Variants in CATSPER3 observed in about 807,000 individuals in gnomAD.
CATSPER3 encodes the protein cation channel sperm-associated protein 3.
A neutral mutation model predicts 36.6 loss-of-function variants in CATSPER3; 23 were observed. The observed-to-expected ratio is 0.63, with a 90% CI of 0.45 to 0.89. The LOEUF (loss-of-function observed/expected upper bound fraction) is 0.89. CATSPER3 is among the 40% of genes least tolerant of loss of function. CATSPER3 has a pLI of 0.00. For synonymous variants in CATSPER3, 172 were observed against 184.1 expected (o/e 0.93, Z 0.53); for missense variants, 474 against 503.9 (o/e 0.94, Z 0.57).
intron 3 of CATSPER3, among the ~76,000 whole-genome samples, chr5:135,005,519 G>A (rs999150418): frequency 1.3e-5 from 2 of 152,066 alleles, no homozygotes; most frequent in African/African-American, 4.8e-5. Flanking sequence ...TCTGAATGTT[G>A]GCTGGCCTGC....
chr5:134,996,408 GC>G lies in CATSPER3; in HGVS notation c.391del (p.Leu131SerfsTer36). On this transcript the variant is annotated frameshift_variant, in exon 3 of 8. Transcript: ENST00000282611. LOFTEE classifies it high-confidence loss of function. ...TATCATCGTTATGTTTTTACCCTATGCCCTCCGCCAGCTCATGGGCAAACAG... is the reference window on the plus strand; with the variant it reads ...TATCATCGTTATGTTTTTACCCTATGCCTCCGCCAGCTCATGGGCAAACAG... ...IIIIVMFLPY[A>X]LRQLMGKQFT... 1 of 1,614,240 alleles carries G rather than the reference GC, an allele frequency of 6.2e-7. No individual in the cohort carries two copies. The highest frequency in any genetic ancestry group is 1.1e-5 in the South Asian group (1 of 91,088).
chr5:134,977,536 A>T lies in CATSPER3; in HGVS notation c.252+7444A>T, dbSNP rs569977525. 4.6e-5 allele frequency among the ~76,000 whole-genome samples: 7 copies of T among 152,280 alleles called. No individual in the cohort carries two copies. The East Asian group carries it at 1.4e-3, about 29-fold the overall frequency. ...CCTGGGCTTCACTGTCCATGTCTTT[A>T]TCAGCATTTTGGTCACAACCATTTA... On this transcript the variant is annotated intron_variant, in intron 2 of 7. Transcript: ENST00000282611.
intron 3 of CATSPER3, among the ~76,000 whole-genome samples, chr5:135,001,440 A>G (rs551580193): frequency 6.6e-6 from 1 of 152,314 alleles, no homozygotes; most frequent in African/African-American, 2.4e-5. Context: ...GGAGAGTTCT[A>G]TAGATGTCTA....
intron 2 of CATSPER3, among the ~76,000 whole-genome samples, chr5:134,985,214 A>T (rs1387280506): frequency 6.6e-6 from 1 of 152,214 alleles, no homozygotes; most frequent in Non-Finnish European, 1.5e-5. Flanking sequence ...AGAAAATGTG[A>T]TATATATACA....
intron 2 of CATSPER3, chr5:134,975,396 A>AAAC (rs550121448): frequency 1.3e-5 from 2 of 150,362 alleles, no homozygotes; most frequent in Non-Finnish European, 2.9e-5. Context: ...ACAAACAAAC[A>AAAC]AAAAAAACCC....
chr5:135,006,835 C>T (rs1232374380), intron 3 of CATSPER3, among the ~76,000 whole-genome samples: 30 of 24,588 alleles, frequency 1.2e-3, no homozygotes, highest in African/African-American at 7.0e-3. Flanking sequence ...GACTCCGTCT[C>T]GAAAAAAAAA....
chr5:134,989,134 T>C lies in CATSPER3; in HGVS notation c.253-7139T>C, dbSNP rs562652886. ...AGGTCTCAACAGTGAGCTTAAAATA[T>C]TCCATAAACCATGCTGTAAACCGAT... On this transcript the variant is annotated intron_variant, in intron 2 of 7. Coordinates refer to ENST00000282611, the MANE Select transcript of CATSPER3 (RefSeq NM_178019.3). 1.6e-4 allele frequency among the ~76,000 whole-genome samples: 24 copies of C among 152,302 alleles called. No homozygotes were observed. The Middle Eastern group carries it at 0.01, about 65-fold the overall frequency.
chr5:134,990,840 T>G (rs1358224987), intron 2 of CATSPER3, among the ~76,000 whole-genome samples: 2 of 152,176 alleles, frequency 1.3e-5, no homozygotes, highest in Non-Finnish European at 1.5e-5. Context: ...ATCTTATATA[T>G]AGGAAATCCT....
chr5:134,986,928 T>G (rs1751818963), intron 2 of CATSPER3, among the ~76,000 whole-genome samples: 1 of 151,910 alleles, frequency 6.6e-6, no homozygotes, highest in Non-Finnish European at 1.5e-5. Flanking sequence ...AAGAAAGGTC[T>G]CAAATCAGTA....
At chr5:134,984,785 GA>G (rs200189839) in intron 2 of CATSPER3, among the ~76,000 whole-genome samples, 6 of 146,080 alleles carry the variant, frequency 4.1e-5, no homozygotes, top group Middle Eastern at 3.5e-3. Context: ...CTCCCCAAAG[GA>G]AAAAAAAATC....
At chr5:135,010,682 T>C in intron 7 of CATSPER3, 152 bp downstream of exon 7, 1 of 758,902 alleles carries the variant, frequency 1.3e-6, no homozygotes, top group Non-Finnish European at 2.3e-6. Context: ...CAGGATTCCA[T>C]ATATACACAG....
intron 2 of CATSPER3, among the ~76,000 whole-genome samples, chr5:134,974,962 T>C (rs188948906): frequency 6.6e-6 from 1 of 152,258 alleles, no homozygotes. Context: ...TTTAGGGACC[T>C]GGTTTGCAAG....
At position 134,974,781 on chromosome 5, in the gene CATSPER3, T is replaced by A. The variant is rs114295884; in HGVS notation, c.252+4689T>A. ...CCACTTGGCACCACTTCTGTGAACA[T>A]GTTGGTATGGCAGTGAATTCCACAC... On this transcript the variant is annotated intron_variant, in intron 2 of 7. Coordinates refer to ENST00000282611, the MANE Select transcript of CATSPER3 (RefSeq NM_178019.3). Among the ~76,000 whole-genome samples, 778 of 152,316 alleles carry A rather than the reference T, an allele frequency of 5.1e-3. 6 individuals carry two copies. The highest frequency in any genetic ancestry group is 0.018 in the African/African-American group (743 of 41,556).
chr5:135,008,696 CA>C, intron 4 of CATSPER3, 144 bp from the exon 5 acceptor site: 3 of 723,506 alleles, frequency 4.1e-6, no homozygotes, highest in Non-Finnish European at 5.0e-6. Context: ...GTGCTGGAGC[CA>C]GTGGACTGGG....
At chr5:134,975,840 C>T (rs1751666436) in intron 2 of CATSPER3, among the ~76,000 whole-genome samples, 1 of 152,190 alleles carries the variant, frequency 6.6e-6, no homozygotes, top group Non-Finnish European at 1.5e-5. Flanking sequence ...TATTGTAACA[C>T]TGTTCTGAAT....
chr5:135,006,131 G>A (rs1752083443), intron 3 of CATSPER3, among the ~76,000 whole-genome samples: 1 of 152,240 alleles, frequency 6.6e-6, no homozygotes, highest in Admixed American at 6.5e-5. Flanking sequence ...AAGGGGAACT[G>A]GGCAACCCTC....
intron 1 of CATSPER3, chr5:134,969,095 A>C (rs1405098482): frequency 6.6e-6 from 1 of 152,250 alleles, no homozygotes; most frequent in Admixed American, 6.5e-5. Flanking sequence ...CAAGATGGAC[A>C]TACCATAATT....
intron 2 of CATSPER3, among the ~76,000 whole-genome samples, chr5:134,994,704 AG>A (rs1162496597): frequency 6.6e-6 from 1 of 152,146 alleles, no homozygotes; most frequent in African/African-American, 2.4e-5. Flanking sequence ...CAGGCCTACA[AG>A]GCATGACAGT....
At chr5:134,970,878 A>G (rs1751596971) in intron 2 of CATSPER3, among the ~76,000 whole-genome samples, 1 of 152,082 alleles carries the variant, frequency 6.6e-6, no homozygotes, top group South Asian at 2.1e-4. Flanking sequence ...GGCCAGTGAC[A>G]TGGTTTTTAA....
Sources: gnomAD v4.1 joint callset for allele counts (sites outside exome capture counted in the v4.1 genomes callset) on GRCh38, gnomAD v4.1.1 for gene constraint, MANE v1.5 for transcripts, NCBI Gene and HGNC (gene_info 2026-07-23, HGNC 2026-07-21) for gene names.